PAX3: variants seen among roughly 807,000 people sequenced by gnomAD.
The protein encoded by PAX3 is paired box protein Pax-3.
PAX3 carries 14 observed loss-of-function variants against 51.6 expected under a neutral mutation model. The observed-to-expected ratio is 0.27, with a 90% CI of 0.18 to 0.42. The LOEUF (loss-of-function observed/expected upper bound fraction) is 0.42. PAX3 is among the 10% of genes least tolerant of loss of function. The pLI is 1.00. For synonymous variants in PAX3, 280 were observed against 253.4 expected (o/e 1.11, Z -1.00); for missense variants, 540 against 642.8 (o/e 0.84, Z 1.73).
At chr2:222,261,722 A>C (rs1204509779) in intron 4 of PAX3, among the ~76,000 whole-genome samples, 1 of 152,202 alleles carries the variant, frequency 6.6e-6, no homozygotes, top group African/African-American at 2.4e-5. Context: ...CAAACCTTAT[A>C]ATATTGCACA....
At chr2:222,235,029 G>A (rs1574666372) in intron 4 of PAX3, among the ~76,000 whole-genome samples, 1 of 152,208 alleles carries the variant, frequency 6.6e-6, no homozygotes, top group East Asian at 1.9e-4. Flanking sequence ...ATCCCATTAG[G>A]ATAATAGTAT....
chr2:222,216,900 G>T (rs756508863), intron 7 of PAX3, among the ~76,000 whole-genome samples: 1 of 152,176 alleles, frequency 6.6e-6, no homozygotes, highest in Non-Finnish European at 1.5e-5. Flanking sequence ...CGAATAAAAT[G>T]CAGAAATATT....
intron 4 of PAX3, chr2:222,293,821 A>G (rs1695138937): frequency 6.2e-7 from 1 of 1,613,838 alleles, no homozygotes. Context: ...CGGCCCTACA[A>G]TTGCTCAGAG....
At chr2:222,252,452 G>A (rs999302079) in intron 4 of PAX3, among the ~76,000 whole-genome samples, 2 of 152,158 alleles carry the variant, frequency 1.3e-5, no homozygotes, top group Non-Finnish European at 2.9e-5. Flanking sequence ...CTAATAGCTA[G>A]TCTGTAGTGA....
At chr2:222,217,240 A>G (rs555786101) in intron 7 of PAX3, among the ~76,000 whole-genome samples, 3 of 152,302 alleles carry the variant, frequency 2.0e-5, no homozygotes, top group African/African-American at 7.2e-5. Flanking sequence ...AATGCTTTTA[A>G]TATGAGGAGA....
intron 4 of PAX3, among the ~76,000 whole-genome samples, chr2:222,288,358 A>T (rs1418378510): frequency 2.0e-5 from 3 of 152,240 alleles, no homozygotes; most frequent in African/African-American, 7.2e-5. Flanking sequence ...AATAAACTCT[A>T]ACAATGCACA....
rs376460754 is a variant in PAX3 at position 222,220,116 on chromosome 2, T to A, written c.1173+24A>T. 3.4e-5 allele frequency: 54 copies of A among 1,600,876 alleles called. No individual in the cohort carries two copies. In the Middle Eastern group the frequency reaches 1.4e-3, roughly 42 times the overall value. On this transcript the variant is annotated intron_variant, in intron 7 of 8. Transcript: ENST00000392070. ...TTTGGTTCTGGTATACAGCAAATCG[T>A]CTGTCTAGAAACACGGGACTGACCT...
intron 7 of PAX3, among the ~76,000 whole-genome samples, chr2:222,218,684 C>T (rs909990872): frequency 6.6e-6 from 1 of 152,162 alleles, no homozygotes; most frequent in African/African-American, 2.4e-5. Flanking sequence ...CCATGATTTT[C>T]ATGCAGAAAT....
intron 4 of PAX3, among the ~76,000 whole-genome samples, chr2:222,241,642 G>T (rs964422561): frequency 3.9e-5 from 6 of 152,178 alleles, no homozygotes; most frequent in African/African-American, 7.2e-5. Context: ...TAGCTAAACT[G>T]TTTCATGCTT....
rs141130026 is a variant in PAX3, at chr2:222,297,309, ATCC to A, written c.86-99_86-97del. 1.0e-3 allele frequency: 902 copies of A among 900,472 alleles called. 3 individuals carry two copies. In the African/African-American group the frequency reaches 0.013, roughly 13 times the overall value. The allele number at this position is 900,472 out of a possible 1,614,324, so 55.8% of individuals were successfully genotyped here. ...ACGTAATTTCGCAGTCTTCTGTCCT[ATCC>A]TCATGTTACAGCACCGACGCTGAAA... is the stretch of plus-strand genomic sequence containing the variant. On this transcript the variant is annotated intron_variant, in intron 1 of 8. Coordinates refer to ENST00000392070, the MANE Select transcript of PAX3 (RefSeq NM_181458.4).
At chr2:222,263,119 T>G (rs1173262241) in intron 4 of PAX3, 4 of 152,162 alleles carry the variant, frequency 2.6e-5, no homozygotes, top group Admixed American at 2.6e-4. Context: ...AAATTGGACT[T>G]CATCAAAATA....
intron 4 of PAX3, among the ~76,000 whole-genome samples, chr2:222,251,897 A>G (rs1211687119): frequency 6.6e-6 from 1 of 152,188 alleles, no homozygotes; most frequent in East Asian, 1.9e-4. Flanking sequence ...GCCTTGCTAC[A>G]TAACCAGAAT....
At position 222,221,236 on chromosome 2, in the gene PAX3, G is replaced by T. The variant is rs2234675; in HGVS notation, c.944C>A (p.Thr315Lys). Reference protein sequence around the residue: ...YQLSETSYQPTSIPQAVSDPS... With the variant: ...YQLSETSYQPKSIPQAVSDPS... ...TTCCTCGGTACCTTGTGGAATAGAT[G>T]TGGGCTGGTAAGAGGTCTCCGACAG... The change falls in exon 6 of 9, where the codon ACA becomes AAA. Residue 315 changes from threonine to lysine, a missense_variant. Coordinates refer to ENST00000392070, the MANE Select transcript of PAX3 (RefSeq NM_181458.4). The T allele has an allele frequency of 0.036, 57,543 of 1,613,850 alleles. 1,249 individuals are homozygous for T. The highest frequency in any genetic ancestry group is 0.042 in the Non-Finnish European group (49,202 of 1,179,764).
rs566485768 is a variant in PAX3, at chr2:222,238,925, G to A, written c.587-6642C>T. ...ATTGCAGAAGGTCTCCTGCGCTTGT[G>A]AGTTTTGCCATTCAACGTGAAGGGT... On this transcript the variant is annotated intron_variant, in intron 4 of 8. Transcript: ENST00000392070. Among the ~76,000 whole-genome samples the A allele has an allele frequency of 6.6e-5, 10 of 152,290 alleles. No individual in the cohort carries two copies. The East Asian group carries it at 1.9e-3, about 29-fold the overall frequency.
At chr2:222,295,503 G>T in intron 3 of PAX3, 25 bp downstream of exon 3, 1 of 1,613,962 alleles carries the variant, frequency 6.2e-7, no homozygotes, top group Non-Finnish European at 8.5e-7. Flanking sequence ...GTCGCGCCTC[G>T]GGGAGAGGTT....
chr2:222,294,101 A>G, intron 4 of PAX3, 66 bp downstream of exon 4: 1 of 1,608,356 alleles, frequency 6.2e-7, no homozygotes, highest in Non-Finnish European at 8.5e-7. Context: ...TCAGATCACC[A>G]ATGTCAGCTA....
chr2:222,270,685 C>A (rs924406083), intron 4 of PAX3, among the ~76,000 whole-genome samples: 1 of 152,184 alleles, frequency 6.6e-6, no homozygotes, highest in Non-Finnish European at 1.5e-5. Flanking sequence ...TCCTTCCTGG[C>A]CTGCTGGGCC....
In PAX3 at chr2:222,297,362, C is replaced by T; in HGVS notation, c.86-149G>A. 5.7e-6 allele frequency: 4 copies of T among 701,540 alleles called. No homozygotes were observed. In the South Asian group the frequency reaches 6.2e-5, roughly 11 times the overall value. The allele number at this position is 701,540 out of a possible 1,614,324, so 43.5% of individuals were successfully genotyped here. On this transcript the variant is annotated intron_variant, in intron 1 of 8. Coordinates refer to ENST00000392070, the MANE Select transcript of PAX3 (RefSeq NM_181458.4). ...ACTGCTCGACATCGGACTCCCAGAC[C>T]CAGACCTCCTTTCAATCACATTTGT...
chr2:222,286,216 G>A (rs1333341226), intron 4 of PAX3, among the ~76,000 whole-genome samples: 1 of 152,250 alleles, frequency 6.6e-6, no homozygotes, highest in African/African-American at 2.4e-5. Context: ...GGGATTACAG[G>A]CGTGAGCCAC....
Sources: gnomAD v4.1 joint callset for allele counts (sites outside exome capture counted in the v4.1 genomes callset) on GRCh38, gnomAD v4.1.1 for gene constraint, MANE v1.5 for transcripts, NCBI Gene and HGNC (gene_info 2026-07-23, HGNC 2026-07-21) for gene names.